SKP1: variants seen among roughly 807,000 people sequenced by gnomAD.
SKP1 encodes the protein S-phase kinase associated protein 1.
A neutral mutation model predicts 21.5 loss-of-function variants in SKP1; 1 was observed. That is an observed-to-expected ratio of 0.05 (90% confidence interval 0.02 to 0.22). The LOEUF (loss-of-function observed/expected upper bound fraction) is 0.22, where lower values mean the gene tolerates loss of function less well. SKP1 is among the 10% of genes least tolerant of loss of function. The pLI, the probability that SKP1 is intolerant of heterozygous loss-of-function variation, is 1.00. For synonymous variants in SKP1, 59 were observed against 59.3 expected, an observed-to-expected ratio of 0.99 and a Z score of 0.03; for missense variants, 70 against 192.0, an observed-to-expected ratio of 0.36 and a Z score of 3.76.
At chr5:134,170,459 A>C (rs1023716029) in intron 2 of SKP1, among the ~76,000 whole-genome samples, 1 of 152,240 alleles carries the variant, frequency 6.6e-6, no homozygotes, top group Non-Finnish European at 1.5e-5. Context: ...GACCTGAACT[A>C]ATCATTCAAT....
chr5:134,164,671 A>G (rs1332751469), intron 3 of SKP1, among the ~76,000 whole-genome samples: 1 of 152,242 alleles, frequency 6.6e-6, no homozygotes, highest in Non-Finnish European at 1.5e-5. Flanking sequence ...TGCAAGACAT[A>G]TTCAGAAGTC....
At chr5:134,158,031 T>C (rs554790169) in intron 5 of SKP1, 4 of 1,475,564 alleles carry the variant, frequency 2.7e-6, no homozygotes, top group Non-Finnish European at 1.8e-6. Flanking sequence ...AGTTAATTCA[T>C]TCACATTATT....
At chr5:134,169,184 T>C (rs2284312) in intron 2 of SKP1, among the ~76,000 whole-genome samples, 112,998 of 152,054 alleles carry the variant, frequency 0.74, 43,186 homozygotes, top group Non-Finnish European at 0.86. Context: ...GACAATGCAC[T>C]TGATGACATG....
At chr5:134,158,651 A>G (rs560002673) in intron 4 of SKP1, 56 bp from the exon 5 acceptor site, 4 of 1,432,082 alleles carry the variant, frequency 2.8e-6, no homozygotes, top group East Asian at 2.3e-5. Context: ...AACTAAATCC[A>G]AAGTTAATGA....
At position 134,161,074 on chromosome 5, in the gene SKP1, C is replaced by G. The variant is rs1761210977; in HGVS notation, c.228G>C (p.Glu76Asp). Residue 76 changes from glutamate (E) to aspartate (D), a missense_variant, in exon 4 of 6, where the codon GAG becomes GAC. Glu to Asp is a conservative substitution (Grantham distance 45). Around this residue, in one of 4 missense-constraint regions of SKP1, gnomAD observed 33 missense variants for 64.9 expected, o/e 0.51. Transcript: ENST00000353411. The stretch of plus-strand genomic sequence containing the variant: ...TATCATCTGTTCGCTTTTCTTTGTT[C>G]TCATCATCTTCAGGAGGAGGAGGGT... ...KDDPPPPEDDENKEKRTDDIP... is the reference protein window; with the variant it reads ...KDDPPPPEDDDNKEKRTDDIP... 5 of 1,613,518 alleles carry G rather than the reference C, an allele frequency of 3.1e-6. No individual in the cohort carries two copies. Among genetic ancestry groups the G allele is most frequent in the Non-Finnish European group, 4.2e-6 (5 of 1,179,642 alleles).
intron 2 of SKP1, among the ~76,000 whole-genome samples, chr5:134,167,700 T>C (rs57249713): frequency 1.6e-3 from 241 of 152,226 alleles, no homozygotes; most frequent in African/African-American, 5.6e-3. Flanking sequence ...ATTTTTTGTA[T>C]TTTTTAGGAG....
rs947146375 is a variant in SKP1 at position 134,167,078 on chromosome 5, T to C, written c.171+92A>G. On this transcript the variant is annotated intron_variant, in intron 3 of 5. Transcript: ENST00000353411. Reference sequence around the variant, plus strand: ...AAATGTAATTTTAAGCAGTAAATTATAAAATTCTAACATAGATTGTTGAAT... The same window carrying C: ...AAATGTAATTTTAAGCAGTAAATTACAAAATTCTAACATAGATTGTTGAAT... The C allele has an allele frequency of 2.1e-5, 14 of 656,042 alleles. No homozygotes were observed. The South Asian group carries it at 2.2e-4, about 10-fold the overall frequency. 40.6% of individuals were successfully genotyped at this position (656,042 alleles called of 1,614,324 possible). A position where few individuals can be genotyped will look rare whatever the true frequency, so the allele number is the denominator to read the frequency against.
Position 134,156,694 on chromosome 5 carries a change from G to A in SKP1, c.*1039C>T, listed in dbSNP as rs1191914967. On this transcript the variant is annotated 3_prime_UTR_variant, in exon 6 of 6. Transcript: ENST00000353411. The stretch of plus-strand genomic sequence containing the variant: ...GAGTAATTTTGTGTTAAGAATTAAA[G>A]TACTAGCTCCAGTTAGGCATATAAA... The A allele has an allele frequency of 6.6e-6, 1 of 152,214 alleles. No homozygotes were observed. Among genetic ancestry groups the A allele is most frequent in the African/African-American group, 2.4e-5 (1 of 41,456 alleles). The allele number at this position is 152,214 out of a possible 1,614,324, so 9.4% of individuals were successfully genotyped here.
intron 2 of SKP1, among the ~76,000 whole-genome samples, chr5:134,173,093 G>A (rs1327317995): frequency 6.6e-6 from 1 of 152,030 alleles, no homozygotes; most frequent in Non-Finnish European, 1.5e-5. Flanking sequence ...AGCACTTTGG[G>A]AGGTCGAGGT....
rs1259265434 is a variant in SKP1, at chr5:134,152,542, A to G, written c.*5191T>C. 1 of 150,908 alleles carries G rather than the reference A, an allele frequency of 6.6e-6. No individual in the cohort carries two copies. The highest frequency in any genetic ancestry group is 1.5e-5 in the Non-Finnish European group (1 of 68,044). 9.3% of individuals were successfully genotyped at this position (150,908 alleles called of 1,614,324 possible). The stretch of plus-strand genomic sequence containing the variant: ...TGGCTCATTAATCTGTTCTGTCCAG[A>G]AACTTTTTTTTTTTGAAACGGAGTC... On this transcript the variant is annotated 3_prime_UTR_variant, in exon 6 of 6. Coordinates refer to ENST00000353411, the MANE Select transcript of SKP1 (RefSeq NM_170679.3).
At chr5:134,158,950 C>G (rs1267515599) in intron 4 of SKP1, among the ~76,000 whole-genome samples, 2 of 152,192 alleles carry the variant, frequency 1.3e-5, no homozygotes, top group Non-Finnish European at 2.9e-5. Context: ...AGTTATAGCA[C>G]TATATTGATC....
chr5:134,161,523 A>G (rs1388723931), intron 3 of SKP1: 2 of 154,772 alleles, frequency 1.3e-5, no homozygotes, highest in African/African-American at 4.8e-5. Flanking sequence ...CTGAATAGCC[A>G]AACATAAGGA....
intron 3 of SKP1, among the ~76,000 whole-genome samples, chr5:134,165,047 A>C: frequency 8.3e-6 from 1 of 119,860 alleles, no homozygotes. Flanking sequence ...TTGAGGGGGG[A>C]GGGTGTACCA....
At chr5:134,159,844 G>A (rs1465244544) in intron 4 of SKP1, among the ~76,000 whole-genome samples, 1 of 151,656 alleles carries the variant, frequency 6.6e-6, no homozygotes, top group Non-Finnish European at 1.5e-5. Flanking sequence ...ACCGCGCCCG[G>A]CCTAATTTTC....
At chr5:134,174,690 C>T (rs1761504764) in intron 1 of SKP1, 1 of 152,356 alleles carries the variant, frequency 6.6e-6, no homozygotes, top group Admixed American at 6.6e-5. Context: ...ATAATAATAA[C>T]CTATTACTTG....
chr5:134,175,301 T>TG (rs1761518524), intron 1 of SKP1: 3 of 152,244 alleles, frequency 2.0e-5, no homozygotes, highest in Non-Finnish European at 4.4e-5. Context: ...CATCCATAGT[T>TG]GGAGAGAATC....
At chr5:134,161,901 G>T (rs924295352) in intron 3 of SKP1, 1 of 152,166 alleles carries the variant, frequency 6.6e-6, no homozygotes, top group African/African-American at 2.4e-5. Context: ...AATACTGAAA[G>T]TGTTTTCAGT....
intron 5 of SKP1, chr5:134,158,223 C>G (rs1761154223): frequency 7.0e-7 from 1 of 1,427,948 alleles, no homozygotes; most frequent in African/African-American, 1.4e-5. Context: ...AATACATTAA[C>G]AAGAGCTCTT....
intron 1 of SKP1, among the ~76,000 whole-genome samples, chr5:134,176,003 G>C (rs751886269): frequency 6.6e-6 from 1 of 152,144 alleles, no homozygotes; most frequent in African/African-American, 2.4e-5. Flanking sequence ...CAGTGGAGGA[G>C]ACGGTATTGT....
Sources: allele counts gnomAD v4.1 joint callset (sites outside exome capture counted in the v4.1 genomes callset), GRCh38; gene constraint gnomAD v4.1.1; regional missense constraint gnomAD v4.1.1; transcripts MANE v1.5; gene names NCBI Gene and HGNC (gene_info 2026-07-23, HGNC 2026-07-21).